Variants in CTNND2 observed in about 807,000 individuals in gnomAD.
CTNND2 encodes the protein catenin delta 2, also known as catenin delta-2.
Under a neutral mutation model 144.4 loss-of-function variants are expected in CTNND2, and 22 were observed. The ratio of observed to expected loss-of-function variants is 0.15; its 90% CI spans 0.11 to 0.22. The LOEUF is 0.22. Among genes scored for constraint, CTNND2 ranks in the 10% least tolerant of loss-of-function variants. The pLI is 1.00. For missense variants in CTNND2, 1,353 were observed against 1,618.8 expected (o/e 0.84, Z 2.82); for synonymous variants, 751 against 695.6 (o/e 1.08, Z -1.25).
intron 12 of CTNND2, among the ~76,000 whole-genome samples, chr5:11,122,471 C>G (rs1334177149): frequency 6.6e-6 from 1 of 151,884 alleles, no homozygotes; most frequent in Non-Finnish European, 1.5e-5. Flanking sequence ...CTCCTCTCCT[C>G]TCTCCCTCAC....
At chr5:11,325,644 G>A (rs1752451196) in intron 9 of CTNND2, among the ~76,000 whole-genome samples, 1 of 151,694 alleles carries the variant, frequency 6.6e-6, no homozygotes, top group South Asian at 2.1e-4. Flanking sequence ...ACCTCCTCTT[G>A]GTCAAGGGGA....
At chr5:11,107,005 G>A (rs1211147708) in intron 14 of CTNND2, among the ~76,000 whole-genome samples, 2 of 152,132 alleles carry the variant, frequency 1.3e-5, no homozygotes, top group South Asian at 4.1e-4. Context: ...AAAATACAAG[G>A]AGCCCACCTC....
At chr5:11,785,526 C>A (rs1183465450) in intron 1 of CTNND2, among the ~76,000 whole-genome samples, 2 of 151,894 alleles carry the variant, frequency 1.3e-5, no homozygotes, top group Non-Finnish European at 2.9e-5. Context: ...CAAAATAAAT[C>A]TAAACTATTT....
At chr5:11,618,785 G>A (rs1023351707) in intron 2 of CTNND2, among the ~76,000 whole-genome samples, 2 of 151,802 alleles carry the variant, frequency 1.3e-5, no homozygotes, top group Non-Finnish European at 1.5e-5. Flanking sequence ...GGAATTAGGC[G>A]AGCTTAATTT....
At chr5:11,496,716 T>C (rs765165772) in intron 3 of CTNND2, among the ~76,000 whole-genome samples, 2 of 152,204 alleles carry the variant, frequency 1.3e-5, no homozygotes, top group African/African-American at 2.4e-5. Context: ...TGATGCATTA[T>C]ATTCCTAAAG....
At chr5:11,284,243 G>A (rs1446958260) in intron 9 of CTNND2, among the ~76,000 whole-genome samples, 1 of 152,122 alleles carries the variant, frequency 6.6e-6, no homozygotes, top group Non-Finnish European at 1.5e-5. Flanking sequence ...GGAGGTGAAG[G>A]TTATGCAGGG....
rs1738087831 is a variant in CTNND2, at chr5:11,903,658, C to T, written c.37+159G>A. ...AGCGGCTTCCGAGGGGGACCTGGCG[C>T]GATCGCGGTCCTCCCCGAGGCAGGC... On this transcript the variant is annotated intron_variant, in intron 1 of 21. Transcript: ENST00000304623. The surrounding 1 kb of genome is among the most constrained non-coding windows in gnomAD (Gnocchi z 5.4). Among the ~76,000 whole-genome samples the T allele has an allele frequency of 6.6e-6, 1 of 152,110 alleles. No individual in the cohort carries two copies. Among genetic ancestry groups the T allele is most frequent in the South Asian group, 2.1e-4 (1 of 4,826 alleles).
At chr5:11,231,315 T>C (rs153604) in intron 10 of CTNND2, among the ~76,000 whole-genome samples, 2,679 of 152,166 alleles carry the variant, frequency 0.018, 58 homozygotes, top group African/African-American at 0.052. Context: ...TCTTTGAAAC[T>C]AGGTAATGGG....
At chr5:11,706,687 G>C (rs539945656) in intron 2 of CTNND2, among the ~76,000 whole-genome samples, 1 of 152,262 alleles carries the variant, frequency 6.6e-6, no homozygotes, top group South Asian at 2.1e-4. Context: ...TCTTGTGTCA[G>C]TCTCCTTTCA....
intron 1 of CTNND2, among the ~76,000 whole-genome samples, chr5:11,829,346 C>T (rs1311263651): frequency 6.6e-6 from 1 of 152,148 alleles, no homozygotes; most frequent in Non-Finnish European, 1.5e-5. Context: ...TTCACAGCAA[C>T]CAGCCACTCC....
At chr5:10,983,603 T>C (rs1737569805) in intron 20 of CTNND2, among the ~76,000 whole-genome samples, 1 of 152,216 alleles carries the variant, frequency 6.6e-6, no homozygotes, top group South Asian at 2.1e-4. Context: ...TCCTCTCTGG[T>C]TGAATGCATG....
chr5:11,016,061 C>G lies in CTNND2; in HGVS notation c.3084+1913G>C, dbSNP rs1343738181. Reference sequence around the variant, plus strand: ...TTAACACTGTGGGTCCACTAATATGCAGATTTTTTTCAACCAAATGCAGAT... The same window carrying G: ...TTAACACTGTGGGTCCACTAATATGGAGATTTTTTTCAACCAAATGCAGAT... On this transcript the variant is annotated intron_variant, in intron 18 of 21. Transcript: ENST00000304623. Among the ~76,000 whole-genome samples the G allele has an allele frequency of 2.0e-5, 3 of 152,234 alleles. No homozygotes were observed. In the East Asian group the frequency reaches 5.8e-4, roughly 29 times the overall value.
At chr5:11,345,328 A>G (rs888568929) in intron 9 of CTNND2, among the ~76,000 whole-genome samples, 2 of 152,208 alleles carry the variant, frequency 1.3e-5, no homozygotes, top group Non-Finnish European at 2.9e-5. Flanking sequence ...ACTTATTACA[A>G]TTCACTTTTT....
chr5:11,338,015 C>G (rs1482926777), intron 9 of CTNND2, among the ~76,000 whole-genome samples: 1 of 152,092 alleles, frequency 6.6e-6, no homozygotes, highest in Non-Finnish European at 1.5e-5. Context: ...ATGGAATAAG[C>G]AAATATGATG....
chr5:11,782,879 G>A (rs1256358077), intron 1 of CTNND2, among the ~76,000 whole-genome samples: 1 of 152,182 alleles, frequency 6.6e-6, no homozygotes, highest in South Asian at 2.1e-4. Flanking sequence ...TCACACCCAT[G>A]TTCACTGCTC....
At chr5:11,408,108 A>T (rs1470992052) in intron 5 of CTNND2, among the ~76,000 whole-genome samples, 1 of 152,096 alleles carries the variant, frequency 6.6e-6, no homozygotes, top group Admixed American at 6.6e-5. Flanking sequence ...TAAGGGTGGT[A>T]AGGGCATCTG....
At chr5:11,507,991 T>C (rs1440895835) in intron 3 of CTNND2, among the ~76,000 whole-genome samples, 1 of 151,850 alleles carries the variant, frequency 6.6e-6, no homozygotes, top group Admixed American at 6.6e-5. Flanking sequence ...AAATGGATTT[T>C]TTTTTTTTTT....
chr5:11,518,781 C>T (rs1772440162), intron 3 of CTNND2, among the ~76,000 whole-genome samples: 1 of 152,130 alleles, frequency 6.6e-6, no homozygotes, highest in Admixed American at 6.5e-5. Flanking sequence ...ATAGACTATA[C>T]CATATAACCT....
At chr5:11,082,927 G>T in intron 15 of CTNND2, 81 bp from the exon 16 acceptor site, 1 of 1,509,996 alleles carries the variant, frequency 6.6e-7, no homozygotes, top group African/African-American at 1.4e-5. Flanking sequence ...TTTTCAGGCG[G>T]CTGCTTACAG....
Sources: allele counts gnomAD v4.1 joint callset (sites outside exome capture counted in the v4.1 genomes callset), GRCh38; gene constraint gnomAD v4.1.1; non-coding constraint Gnocchi (gnomAD v3.1); transcripts MANE v1.5; gene names NCBI Gene and HGNC (gene_info 2026-07-23, HGNC 2026-07-21).